ADGRV1: variants seen among roughly 807,000 people sequenced by gnomAD.
The protein encoded by ADGRV1 is adhesion G protein-coupled receptor V1, also known as G-protein coupled receptor 98.
In ADGRV1, 359 loss-of-function variants were observed where a neutral mutation model predicts 596.2. The observed-to-expected ratio is 0.60, with a 90% CI of 0.55 to 0.66. ADGRV1 has a LOEUF of 0.66. ADGRV1 is among the 30% of genes least tolerant of loss of function. The pLI, the probability that ADGRV1 is intolerant of heterozygous loss-of-function variation, is 0.00. For synonymous variants in ADGRV1, 2,681 were observed against 2,679.2 expected, an observed-to-expected ratio of 1.00 and a Z score of -0.02; for missense variants, 7,274 against 7,575.6, an observed-to-expected ratio of 0.96 and a Z score of 1.48.
intron 82 of ADGRV1, among the ~76,000 whole-genome samples, chr5:90,861,304 AT>A (rs549384273): frequency 0.01 from 1,535 of 146,470 alleles, 30 homozygotes; most frequent in African/African-American, 0.037. Context: ...TTATTTATCT[AT>A]TTTTTTTTTG....
chr5:90,825,466 T>C (rs1763994764), intron 76 of ADGRV1, among the ~76,000 whole-genome samples: 1 of 152,266 alleles, frequency 6.6e-6, no homozygotes, highest in Non-Finnish European at 1.5e-5. Flanking sequence ...GCATTCTTCA[T>C]AAATATGTTT....
chr5:90,993,230 T>A (rs184789548), intron 85 of ADGRV1, among the ~76,000 whole-genome samples: 108 of 148,968 alleles, frequency 7.2e-4, no homozygotes, highest in African/African-American at 2.4e-3. Context: ...GTGATCCTGG[T>A]TCACTGCAAC....
intron 43 of ADGRV1, chr5:90,718,383 CTGT>C (rs1459995073): frequency 6.6e-6 from 1 of 152,162 alleles, no homozygotes; most frequent in Non-Finnish European, 1.5e-5. Context: ...ATCCAGCTAT[CTGT>C]TGTTTCCACC....
intron 1 of ADGRV1, among the ~76,000 whole-genome samples, chr5:90,578,725 G>A (rs922797336): frequency 2.0e-5 from 3 of 152,186 alleles, no homozygotes; most frequent in Admixed American, 6.5e-5. Context: ...GAATTCGGCT[G>A]TGAATCCGTC....
intron 88 of ADGRV1, among the ~76,000 whole-genome samples, chr5:91,150,602 T>C (rs561075691): frequency 6.6e-6 from 1 of 152,240 alleles, no homozygotes; most frequent in Non-Finnish European, 1.5e-5. Flanking sequence ...CTTAAGATGC[T>C]ATTTTTCCTA....
intron 85 of ADGRV1, among the ~76,000 whole-genome samples, chr5:90,993,488 A>C (rs1331613608): frequency 6.6e-6 from 1 of 152,066 alleles, no homozygotes; most frequent in Non-Finnish European, 1.5e-5. Context: ...CTGGTCAGTT[A>C]TTTTATAGAA....
chr5:90,689,761 G>T, intron 29 of ADGRV1, 100 bp from the exon 30 acceptor site: 6 of 741,228 alleles, frequency 8.1e-6, no homozygotes, highest in Non-Finnish European at 1.3e-5. Flanking sequence ...GTATTTCCAA[G>T]TAGATCCATA....
intron 83 of ADGRV1, among the ~76,000 whole-genome samples, chr5:90,944,349 A>AT (rs988367961): frequency 2.6e-5 from 4 of 152,068 alleles, no homozygotes; most frequent in Admixed American, 2.0e-4. Flanking sequence ...ACATGTATAC[A>AT]TTTTTTTATT....
intron 78 of ADGRV1, chr5:90,846,389 A>T (rs1765878180): frequency 6.5e-6 from 1 of 153,240 alleles, no homozygotes; most frequent in Non-Finnish European, 1.5e-5. Flanking sequence ...AGTAATAGGG[A>T]CTTATCAGAA....
At chr5:90,595,761 C>T (rs1470827894) in intron 1 of ADGRV1, among the ~76,000 whole-genome samples, 117 of 137,586 alleles carry the variant, frequency 8.5e-4, no homozygotes, top group South Asian at 2.1e-3. Context: ...CCTCACCTCC[C>T]GGACGGGGTG....
In ADGRV1 at chr5:90,728,697, T is replaced by A. The variant is rs994945582; in HGVS notation, c.10190T>A (p.Val3397Glu). 6 of 1,612,112 alleles carry A rather than the reference T, an allele frequency of 3.7e-6. No homozygotes were observed. Among genetic ancestry groups the A allele is most frequent in the African/African-American group, 1.3e-5 (1 of 74,908 alleles). ...QVFRWNGGSF[V>E]LHQKLPVRGV... is the part of the protein sequence containing the mutation. ...TTCAGGTGGAATGGAGGAAGCTTCGTGTTGCATCAAAAACTCCCTGTCCGA... is the reference window on the plus strand; with the variant it reads ...TTCAGGTGGAATGGAGGAAGCTTCGAGTTGCATCAAAAACTCCCTGTCCGA... Residue 3397 changes from valine to glutamate, a missense_variant, in exon 49 of 90, where the codon GTG becomes GAG. Transcript: ENST00000405460.
chr5:90,879,096 T>G (rs188250411), intron 83 of ADGRV1, among the ~76,000 whole-genome samples: 457 of 152,282 alleles, frequency 3.0e-3, no homozygotes, highest in Middle Eastern at 3.4e-3. Context: ...GTTCTTCCAG[T>G]CTGCATGCAA....
At chr5:91,079,734 G>A (rs528537321) in intron 86 of ADGRV1, among the ~76,000 whole-genome samples, 34 of 152,308 alleles carry the variant, frequency 2.2e-4, no homozygotes, top group African/African-American at 7.2e-4. Context: ...TTACTTTAGT[G>A]AGCTGCCTTT....
At position 90,767,362 on chromosome 5, in the gene ADGRV1, A is replaced by G. The variant is rs566453423; in HGVS notation, c.12285+3893A>G. 7.2e-5 allele frequency among the ~76,000 whole-genome samples: 11 copies of G among 152,338 alleles called. 1 individual carries two copies. In the South Asian group the frequency reaches 1.7e-3, roughly 23 times the overall value. ...TTAATAAAGATGAAACCAGAATGCA[A>G]TTAATTAAAAAACAAAAATACCAAT... On this transcript the variant is annotated intron_variant, in intron 59 of 89. Coordinates refer to ENST00000405460, the MANE Select transcript of ADGRV1 (RefSeq NM_032119.4).
intron 87 of ADGRV1, among the ~76,000 whole-genome samples, chr5:91,146,123 C>T (rs948224804): frequency 1.3e-5 from 2 of 152,306 alleles, no homozygotes; most frequent in South Asian, 2.1e-4. Context: ...TCCTTTTCCT[C>T]TTTAATGAGC....
chr5:91,019,085 C>A (rs1481365793), intron 85 of ADGRV1, among the ~76,000 whole-genome samples: 5 of 151,910 alleles, frequency 3.3e-5, no homozygotes, highest in Non-Finnish European at 7.4e-5. Context: ...GTCCTGTTGG[C>A]TGCATGGATT....
At chr5:90,648,729 G>A (rs1055036571) in intron 17 of ADGRV1, among the ~76,000 whole-genome samples, 4 of 151,954 alleles carry the variant, frequency 2.6e-5, no homozygotes, top group African/African-American at 9.7e-5. Flanking sequence ...GTCTTTCTCT[G>A]CCTCTCATTT....
At chr5:90,651,344 A>T (rs1240435144) in intron 17 of ADGRV1, among the ~76,000 whole-genome samples, 1 of 152,192 alleles carries the variant, frequency 6.6e-6, no homozygotes, top group Non-Finnish European at 1.5e-5. Flanking sequence ...TAACTAAAAA[A>T]AATGGGAACT....
At chr5:90,927,312 G>A (rs1169128937) in intron 83 of ADGRV1, among the ~76,000 whole-genome samples, 6 of 151,200 alleles carry the variant, frequency 4.0e-5, no homozygotes, top group Non-Finnish European at 8.9e-5. Flanking sequence ...ATGAATCTGG[G>A]TGCTCCTGTA....
Sources: gnomAD v4.1 joint callset for allele counts (sites outside exome capture counted in the v4.1 genomes callset) on GRCh38, gnomAD v4.1.1 for gene constraint, MANE v1.5 for transcripts, NCBI Gene and HGNC (gene_info 2026-07-23, HGNC 2026-07-21) for gene names.